YWHAZ: variants seen among roughly 807,000 people sequenced by gnomAD.
YWHAZ encodes tyrosine 3-monooxygenase/tryptophan 5-monooxygenase activation protein zeta, also known as 14-3-3 protein zeta/delta.
For synonymous variants in YWHAZ, 87 were observed against 103.6 expected, an observed-to-expected ratio of 0.84 and a Z score of 0.97; for missense variants, 79 against 284.8, an observed-to-expected ratio of 0.28 and a Z score of 5.20.
Position 100,924,822 on chromosome 8 carries a change from G to A in YWHAZ, c.418+94C>T. ...TGCTACTCCTTATTCGGCACTCTAA[G>A]CAATTCAAAACAAGACATTATGTAC... On this transcript the variant is annotated intron_variant, in intron 3 of 5. Transcript: ENST00000395958. This position sits in a 1 kb window ranked among gnomAD's most constrained non-coding sequence, Gnocchi z 5.7. The A allele has an allele frequency of 6.6e-7, 1 of 1,520,994 alleles. No individual in the cohort carries two copies. Among genetic ancestry groups the A allele is most frequent in the South Asian group, 1.2e-5 (1 of 81,492 alleles). 94.2% of individuals were successfully genotyped at this position (1,520,994 alleles called of 1,614,324 possible).
chr8:100,941,555 T>C (rs1425437433), intron 2 of YWHAZ, among the ~76,000 whole-genome samples: 8 of 151,722 alleles, frequency 5.3e-5, no homozygotes, highest in Non-Finnish European at 1.0e-4. Flanking sequence ...GAGGCCGGGG[T>C]GGGTGGATCA....
chr8:100,951,421 G>A (rs1219309858), intron 1 of YWHAZ: 9 of 981,288 alleles, frequency 9.2e-6, no homozygotes, highest in East Asian at 1.1e-4. Context: ...GGAAAGGAGG[G>A]GGCGGCCGAG....
chr8:100,950,870 C>G (rs1178756510), intron 1 of YWHAZ: 1 of 160,412 alleles, frequency 6.2e-6, no homozygotes, highest in Non-Finnish European at 1.3e-5. Context: ...AGAGCCACAC[C>G]CAGCCGAGCG....
At chr8:100,946,134 A>C (rs773827322) in intron 2 of YWHAZ, among the ~76,000 whole-genome samples, 1 of 152,212 alleles carries the variant, frequency 6.6e-6, no homozygotes, top group African/African-American at 2.4e-5. Flanking sequence ...CTTAATAATC[A>C]TAACAAGAAG....
chr8:100,950,656 G>GTT (rs1554618209), intron 1 of YWHAZ: 6 of 821,796 alleles, frequency 7.3e-6, no homozygotes, highest in Admixed American at 7.5e-5. Flanking sequence ...CGCCCAAGCC[G>GTT]TGGGGGGGGG....
rs1347442611 is a variant in YWHAZ, at chr8:100,948,905, AG to A, written c.-11-6del. On this transcript the variant is annotated splice_region_variant and splice_polypyrimidine_tract_variant and intron_variant, in intron 1 of 5. Transcript: ENST00000395958. This position sits in a 1 kb window ranked among gnomAD's most constrained non-coding sequence, Gnocchi z 4.2. ...TTTTATCCATGACTGGATGTTCTGC[AG>A]GGGGGAAAAAAGGAGTATTTAAAAT... 1 of 1,565,958 alleles carries A rather than the reference AG, an allele frequency of 6.4e-7. No homozygotes were observed. The highest frequency in any genetic ancestry group is 8.6e-7 in the Non-Finnish European group (1 of 1,164,624).
chr8:100,918,407 TTTATATATATATATATATA>T lies in YWHAZ; in HGVS notation c.*2267_*2285del, dbSNP rs1196806848. On this transcript the variant is annotated 3_prime_UTR_variant, in exon 6 of 6. Transcript: ENST00000395958. Reference sequence around the variant, plus strand: ...CAGTCTAGCTATAAAATATAATTACTTTATATATATATATATATATATATATATATATATATAATTATTT... The same window carrying T: ...CAGTCTAGCTATAAAATATAATTACTTATATATATATATATATAATTATTT... 3 of 68,606 alleles carry T rather than the reference TTTATATATATATATATATA, an allele frequency of 4.4e-5. No individual in the cohort carries two copies. Among genetic ancestry groups the T allele is most frequent in the Non-Finnish European group, 8.1e-5 (3 of 36,924 alleles). 4.2% of individuals were successfully genotyped at this position (68,606 alleles called of 1,614,324 possible). A position where few individuals can be genotyped will look rare whatever the true frequency, so the allele number is the denominator to read the frequency against.
chr8:100,920,523 A>G lies in YWHAZ; in HGVS notation c.*170T>C. 2 of 648,906 alleles carry G rather than the reference A, an allele frequency of 3.1e-6. No homozygotes were observed. Among genetic ancestry groups the G allele is most frequent in the Non-Finnish European group, 2.6e-6 (1 of 378,932 alleles). 40.2% of individuals were successfully genotyped at this position (648,906 alleles called of 1,614,324 possible). On this transcript the variant is annotated 3_prime_UTR_variant, in exon 6 of 6. Transcript: ENST00000395958. ...AACTCCCTAAATGTTAACTGGCTCTACTCCCCTAATATTAAACATAAAAAC... is the reference window on the plus strand; with the variant it reads ...AACTCCCTAAATGTTAACTGGCTCTGCTCCCCTAATATTAAACATAAAAAC...
intron 2 of YWHAZ, 131 bp from the exon 3 acceptor site, chr8:100,925,170 T>C: frequency 1.1e-6 from 1 of 926,498 alleles, no homozygotes; most frequent in Middle Eastern, 2.7e-4. Flanking sequence ...AATACAATTG[T>C]GAATGCAGCT....
At chr8:100,938,534 T>C (rs988025957) in intron 2 of YWHAZ, among the ~76,000 whole-genome samples, 2 of 152,240 alleles carry the variant, frequency 1.3e-5, no homozygotes, top group African/African-American at 2.4e-5. Flanking sequence ...AATAACATCC[T>C]CATTAATAGA....
At position 100,937,034 on chromosome 8, in the gene YWHAZ, C is replaced by T. The variant is rs60326057; in HGVS notation, c.294+11562G>A. Among the ~76,000 whole-genome samples the T allele has an allele frequency of 9.7e-4, 147 of 152,132 alleles. 1 individual carries two copies. The highest frequency in any genetic ancestry group is 3.4e-3 in the African/African-American group (143 of 41,482). On this transcript the variant is annotated intron_variant, in intron 2 of 5. Coordinates refer to ENST00000395958, the MANE Select transcript of YWHAZ (RefSeq NM_145690.3). Reference sequence around the variant, plus strand: ...CAGGAAATTACAGTAAAACAATTTGCTAAATTTAATTAAGATTATAGGTTA... The same window carrying T: ...CAGGAAATTACAGTAAAACAATTTGTTAAATTTAATTAAGATTATAGGTTA...
intron 2 of YWHAZ, among the ~76,000 whole-genome samples, chr8:100,946,851 T>C (rs1399304375): frequency 1.4e-5 from 2 of 147,314 alleles, no homozygotes; most frequent in Non-Finnish European, 3.0e-5. Context: ...CAAAACTGAA[T>C]TACACATACA....
chr8:100,923,187 T>TA (rs1035579365), intron 5 of YWHAZ: 21 of 152,174 alleles, frequency 1.4e-4, no homozygotes, highest in African/African-American at 4.8e-4. Context: ...CAGTAATACC[T>TA]AGATTATGAT....
chr8:100,952,734 A>C, upstream of YWHAZ: 1 of 960,398 alleles, frequency 1.0e-6, no homozygotes, highest in Non-Finnish European at 1.3e-6. Flanking sequence ...TCGCACGGCA[A>C]GGGAGGGTTG....
In YWHAZ at chr8:100,922,020, AC is replaced by A. The variant is rs752515395; in HGVS notation, c.679-1269del. On this transcript the variant is annotated intron_variant, in intron 5 of 5. Transcript: ENST00000395958. The surrounding 1 kb of genome is among the most constrained non-coding windows in gnomAD (Gnocchi z 4.1). Reference sequence around the variant, plus strand: ...ATATCTCTGGCCTGGAAAGGAGACTACTTCCAAGGTCATACAGATAGCCAAA... The same window carrying A: ...ATATCTCTGGCCTGGAAAGGAGACTATTCCAAGGTCATACAGATAGCCAAA... 2.6e-5 allele frequency among the ~76,000 whole-genome samples: 4 copies of A among 152,228 alleles called. No individual in the cohort carries two copies. Among genetic ancestry groups the A allele is most frequent in the Non-Finnish European group, 5.9e-5 (4 of 68,036 alleles).
chr8:100,943,559 C>T (rs1810029852), intron 2 of YWHAZ, among the ~76,000 whole-genome samples: 1 of 152,156 alleles, frequency 6.6e-6, no homozygotes. Flanking sequence ...ACAGCAAAGG[C>T]CTCTACACCT....
Position 100,948,916 on chromosome 8 carries a change from A to G in YWHAZ, c.-11-16T>C. On this transcript the variant is annotated splice_polypyrimidine_tract_variant and intron_variant, in intron 1 of 5. Coordinates refer to ENST00000395958, the MANE Select transcript of YWHAZ (RefSeq NM_145690.3). The surrounding 1 kb of genome is among the most constrained non-coding windows in gnomAD (Gnocchi z 4.2). ...ACTGGATGTTCTGCAGGGGGGAAAA[A>G]AGGAGTATTTAAAATTTTTCCCATC... 6.4e-7 allele frequency: 1 copy of G among 1,553,092 alleles called. No individual in the cohort carries two copies. The highest frequency in any genetic ancestry group is 8.6e-7 in the Non-Finnish European group (1 of 1,160,136).
Position 100,918,422 on chromosome 8 carries a change from A to ATATATATATATG in YWHAZ, c.*2270_*2271insCATATATATATA, listed in dbSNP as rs1414622048. 6 of 86,640 alleles carry ATATATATATATG rather than the reference A, an allele frequency of 6.9e-5. No homozygotes were observed. The highest frequency in any genetic ancestry group is 2.1e-4 in the African/African-American group (5 of 24,366). 5.4% of individuals were successfully genotyped at this position (86,640 alleles called of 1,614,324 possible). ...ATATAATTACTTTATATATATATAT[A>ATATATATATATG]TATATATATATATATATATATAATT... On this transcript the variant is annotated 3_prime_UTR_variant, in exon 6 of 6. Coordinates refer to ENST00000395958, the MANE Select transcript of YWHAZ (RefSeq NM_145690.3).
chr8:100,939,510 T>C (rs921509847), intron 2 of YWHAZ, among the ~76,000 whole-genome samples: 3 of 150,994 alleles, frequency 2.0e-5, no homozygotes, highest in African/African-American at 7.3e-5. Flanking sequence ...AATACAAAAA[T>C]CAGCTGGGCG....
Sources: gnomAD v4.1 joint callset for allele counts (sites outside exome capture counted in the v4.1 genomes callset) on GRCh38, gnomAD v4.1.1 for gene constraint, Gnocchi (gnomAD v3.1) non-coding constraint, MANE v1.5 for transcripts, NCBI Gene and HGNC (gene_info 2026-07-23, HGNC 2026-07-21) for gene names.